The following POLR3B variants were observed in gnomAD, a reference collection of about 807,000 sequenced individuals.
POLR3B encodes the protein DNA-directed RNA polymerase III subunit RPC2.
In POLR3B, 96 loss-of-function variants were observed where a neutral mutation model predicts 147.4. That is an observed-to-expected ratio of 0.65 (90% CI 0.55 to 0.77). The LOEUF (loss-of-function observed/expected upper bound fraction) is 0.77. POLR3B is among the 30% of genes least tolerant of loss of function. POLR3B has a pLI of 0.00. For missense variants in POLR3B, 1,036 were observed against 1,413.5 expected (o/e 0.73, Z 4.28); for synonymous variants, 461 against 485.9 (o/e 0.95, Z 0.67).
At chr12:106,462,442 T>A (rs1004176325) in intron 22 of POLR3B, among the ~76,000 whole-genome samples, 3 of 152,142 alleles carry the variant, frequency 2.0e-5, no homozygotes, top group African/African-American at 7.2e-5. Context: ...GAGATGGGTT[T>A]CACATGTTAG....
Position 106,363,855 on chromosome 12 carries a change from T to C in POLR3B, c.73-15T>C. ...TGGTACAGAGTTCTGATATTCTTCT[T>C]GTTTTGGCTCACAGGAAAAATGGAG... On this transcript the variant is annotated splice_polypyrimidine_tract_variant and intron_variant, in intron 1 of 27. Coordinates refer to ENST00000228347, the MANE Select transcript of POLR3B (RefSeq NM_018082.6). 1.4e-5 allele frequency: 23 copies of C among 1,602,116 alleles called. No individual in the cohort carries two copies. The highest frequency in any genetic ancestry group is 2.0e-5 in the Non-Finnish European group (23 of 1,169,538).
At chr12:106,479,289 A>G (rs990082915) in intron 23 of POLR3B, among the ~76,000 whole-genome samples, 6 of 151,466 alleles carry the variant, frequency 4.0e-5, no homozygotes. Flanking sequence ...TCTTTTTAGG[A>G]GATTTGATCA....
At chr12:106,507,851 A>G (rs1314173532) in intron 27 of POLR3B, 1 of 455,190 alleles carries the variant, frequency 2.2e-6, no homozygotes, top group East Asian at 7.0e-5. Context: ...TGCAAAAATG[A>G]TCCCTGCTCA....
intron 9 of POLR3B, among the ~76,000 whole-genome samples, chr12:106,390,715 AAAG>A (rs1565881390): frequency 1.3e-5 from 2 of 152,010 alleles, no homozygotes; most frequent in Admixed American, 6.6e-5. Context: ...AAAAAAAAAA[AAAG>A]AACAAAATAA....
chr12:106,467,894 G>A (rs1267155194), intron 23 of POLR3B, among the ~76,000 whole-genome samples: 1 of 152,106 alleles, frequency 6.6e-6, no homozygotes, highest in African/African-American at 2.4e-5. Context: ...TGTTCATCAG[G>A]GATATTGGCC....
intron 22 of POLR3B, among the ~76,000 whole-genome samples, chr12:106,461,875 A>G (rs2037942252): frequency 6.6e-6 from 1 of 152,040 alleles, no homozygotes; most frequent in African/African-American, 2.4e-5. Flanking sequence ...CAAGCTCCCC[A>G]GTTCTCAGCA....
intron 19 of POLR3B, among the ~76,000 whole-genome samples, chr12:106,452,007 G>GTA (rs553315882): frequency 1.4e-3 from 215 of 152,234 alleles, no homozygotes; most frequent in South Asian, 3.5e-3. Flanking sequence ...TTATATGTGT[G>GTA]TATATATATG....
At chr12:106,509,202 G>A (rs1318365270) in intron 27 of POLR3B, among the ~76,000 whole-genome samples, 1 of 152,108 alleles carries the variant, frequency 6.6e-6, no homozygotes, top group Non-Finnish European at 1.5e-5. Context: ...AACACTGGAG[G>A]GAATGGTGTT....
intron 10 of POLR3B, among the ~76,000 whole-genome samples, chr12:106,393,525 GTGTGTA>G (rs927583838): frequency 2.1e-5 from 3 of 142,762 alleles, no homozygotes; most frequent in Non-Finnish European, 4.6e-5. Context: ...GTGTGTGTGT[GTGTGTA>G]TGTGTGCATG....
At chr12:106,411,649 C>T (rs1236932813) in intron 12 of POLR3B, among the ~76,000 whole-genome samples, 1 of 152,112 alleles carries the variant, frequency 6.6e-6, no homozygotes, top group Non-Finnish European at 1.5e-5. Flanking sequence ...TTTTCTCTTA[C>T]TCCTTGTAGT....
At chr12:106,401,635 C>G (rs7298681) in intron 10 of POLR3B, among the ~76,000 whole-genome samples, 50,695 of 151,626 alleles carry the variant, frequency 0.33, 11,215 homozygotes, top group African/African-American at 0.63. Context: ...GACTTCATCC[C>G]TGGGATGCAA....
chr12:106,491,311 C>A (rs1350407283), intron 23 of POLR3B, among the ~76,000 whole-genome samples: 2 of 152,194 alleles, frequency 1.3e-5, no homozygotes, highest in Non-Finnish European at 2.9e-5. Context: ...ATCAGTGGAA[C>A]AGCATTGAGT....
chr12:106,381,193 A>C (rs1401288792), intron 9 of POLR3B, among the ~76,000 whole-genome samples: 1 of 152,220 alleles, frequency 6.6e-6, no homozygotes, highest in Non-Finnish European at 1.5e-5. Context: ...TCTTAAAATA[A>C]GACATCAGTG....
chr12:106,373,592 A>C (rs2036638324), intron 6 of POLR3B, among the ~76,000 whole-genome samples: 2 of 152,144 alleles, frequency 1.3e-5, no homozygotes, highest in Non-Finnish European at 2.9e-5. Flanking sequence ...CACCTCTACT[A>C]AAAATACAAA....
intron 1 of POLR3B, chr12:106,358,244 C>T (rs2036417562): frequency 7.3e-7 from 1 of 1,365,114 alleles, no homozygotes; most frequent in Non-Finnish European, 9.5e-7. Context: ...GAGGACTGAC[C>T]CTCGCACTTA....
chr12:106,380,177 C>T, intron 9 of POLR3B, 38 bp downstream of exon 9: 1 of 1,147,958 alleles, frequency 8.7e-7, no homozygotes. Context: ...TGTAAGAATT[C>T]TTTCTCTGGT....
intron 18 of POLR3B, 50 bp downstream of exon 18, chr12:106,437,829 A>G (rs751875627): frequency 1.0e-6 from 1 of 986,574 alleles, no homozygotes; most frequent in South Asian, 1.3e-5. Context: ...TGACTATAGA[A>G]ACTACCTTCT....
intron 26 of POLR3B, among the ~76,000 whole-genome samples, chr12:106,502,783 G>A (rs775975189): frequency 9.2e-5 from 14 of 152,172 alleles, no homozygotes; most frequent in Non-Finnish European, 4.4e-5. Context: ...CAATGGTACC[G>A]TAATTGGGTT....
At chr12:106,491,488 A>C (rs562029326) in intron 23 of POLR3B, among the ~76,000 whole-genome samples, 1 of 152,222 alleles carries the variant, frequency 6.6e-6, no homozygotes, top group Non-Finnish European at 1.5e-5. Flanking sequence ...CTCTTCTTGC[A>C]CTGTGACTGA....
Sources: gnomAD v4.1 joint callset for allele counts (sites outside exome capture counted in the v4.1 genomes callset) on GRCh38, gnomAD v4.1.1 for gene constraint, MANE v1.5 for transcripts, NCBI Gene and HGNC (gene_info 2026-07-23, HGNC 2026-07-21) for gene names.